LCLAT1: variants seen among roughly 807,000 people sequenced by gnomAD.
LCLAT1 encodes 1-AGP acyltransferase 8.
In LCLAT1, 11 loss-of-function variants were observed where a neutral mutation model predicts 30.7. The observed-to-expected ratio is 0.36, with a 90% CI of 0.23 to 0.59. The LOEUF (loss-of-function observed/expected upper bound fraction) is 0.59, where lower values mean the gene tolerates loss of function less well. Ranked by LOEUF, LCLAT1 falls within the 20% of genes least tolerant of loss-of-function variation. LCLAT1 has a pLI of 0.77. For missense variants in LCLAT1, 402 were observed against 458.6 expected, an observed-to-expected ratio of 0.88 and a Z score of 1.13; for synonymous variants, 155 against 151.3, an observed-to-expected ratio of 1.02 and a Z score of -0.18.
intron 2 of LCLAT1, among the ~76,000 whole-genome samples, chr2:30,530,263 G>A (rs1307480931): frequency 6.6e-6 from 1 of 152,186 alleles, no homozygotes; most frequent in Non-Finnish European, 1.5e-5. Flanking sequence ...TGAGAATAGT[G>A]TCTTTTTTCC....
chr2:30,467,608 T>C (rs925764420), intron 1 of LCLAT1, among the ~76,000 whole-genome samples: 17 of 152,222 alleles, frequency 1.1e-4, no homozygotes, highest in Admixed American at 6.5e-5. Flanking sequence ...TGTTGTTTCT[T>C]GACTTTTTAA....
intron 5 of LCLAT1, among the ~76,000 whole-genome samples, chr2:30,590,349 T>A (rs541636487): frequency 2.4e-4 from 37 of 151,174 alleles, no homozygotes; most frequent in Non-Finnish European, 4.0e-4. Flanking sequence ...TTGGAAACAA[T>A]AGTTGATTAG....
chr2:30,583,966 T>C (rs1456132359), intron 5 of LCLAT1, among the ~76,000 whole-genome samples: 1 of 152,144 alleles, frequency 6.6e-6, no homozygotes, highest in Non-Finnish European at 1.5e-5. Flanking sequence ...TACTTAGGGA[T>C]ACGTGTGCCA....
intron 5 of LCLAT1, among the ~76,000 whole-genome samples, chr2:30,629,769 A>G (rs772007102): frequency 3.3e-5 from 5 of 152,124 alleles, no homozygotes; most frequent in African/African-American, 7.2e-5. Flanking sequence ...TTTAAACGTG[A>G]TTTTTGTGGA....
At chr2:30,454,701 G>A (rs748519715) in intron 1 of LCLAT1, among the ~76,000 whole-genome samples, 92 of 151,056 alleles carry the variant, frequency 6.1e-4, no homozygotes, top group Admixed American at 1.5e-3. Context: ...CTCCCTCTTC[G>A]ACCTCCCAAA....
chr2:30,595,750 A>T (rs982617271), intron 5 of LCLAT1, among the ~76,000 whole-genome samples: 5 of 152,110 alleles, frequency 3.3e-5, no homozygotes, highest in Admixed American at 2.0e-4. Flanking sequence ...CCTAAGTATT[A>T]AGCCCAGCAT....
chr2:30,467,299 A>G (rs1682496606), intron 1 of LCLAT1, among the ~76,000 whole-genome samples: 1 of 152,348 alleles, frequency 6.6e-6, no homozygotes, highest in South Asian at 2.1e-4. Context: ...ATAGTATTCC[A>G]TGGTGTATAT....
At chr2:30,596,571 A>C (rs1481989566) in intron 5 of LCLAT1, among the ~76,000 whole-genome samples, 1 of 150,910 alleles carries the variant, frequency 6.6e-6, no homozygotes, top group Non-Finnish European at 1.5e-5. Context: ...GATTGCAAAA[A>C]TTTTCTCCCT....
intron 1 of LCLAT1, among the ~76,000 whole-genome samples, chr2:30,479,699 G>C (rs772786541): frequency 2.6e-5 from 4 of 152,150 alleles, no homozygotes; most frequent in Non-Finnish European, 4.4e-5. Flanking sequence ...ACTCTGTCTC[G>C]ATCTGGATAC....
intron 3 of LCLAT1, among the ~76,000 whole-genome samples, chr2:30,535,423 G>A (rs992113940): frequency 2.0e-5 from 3 of 152,096 alleles, no homozygotes; most frequent in Non-Finnish European, 4.4e-5. Flanking sequence ...GTGTGCATAC[G>A]TGTGTTCACC....
At chr2:30,551,517 T>C (rs1019531261) in intron 3 of LCLAT1, among the ~76,000 whole-genome samples, 1 of 152,198 alleles carries the variant, frequency 6.6e-6, no homozygotes, top group African/African-American at 2.4e-5. Context: ...GCACTTACTA[T>C]GCTCTGTATG....
intron 1 of LCLAT1, among the ~76,000 whole-genome samples, chr2:30,451,652 G>A (rs1322112183): frequency 8.4e-6 from 1 of 118,632 alleles, no homozygotes; most frequent in Non-Finnish European, 1.9e-5. Context: ...ATCAGCAGTA[G>A]AATGGATGAG....
At chr2:30,484,629 C>G (rs1432057724) in intron 1 of LCLAT1, among the ~76,000 whole-genome samples, 1 of 152,084 alleles carries the variant, frequency 6.6e-6, no homozygotes. Context: ...GTTTCTGTTT[C>G]TTTGTCCAGA....
intron 3 of LCLAT1, among the ~76,000 whole-genome samples, chr2:30,537,521 T>TACACACACACAC (rs58394759): frequency 0.013 from 1,970 of 149,188 alleles, 30 homozygotes; most frequent in African/African-American, 0.032. Flanking sequence ...CAATTGTAAA[T>TACACACACACAC]ACACACACAC....
chr2:30,530,194 A>C (rs1424798725), intron 2 of LCLAT1, among the ~76,000 whole-genome samples: 1 of 152,198 alleles, frequency 6.6e-6, no homozygotes, highest in African/African-American at 2.4e-5. Flanking sequence ...ATTTTGTTAG[A>C]TTTATTACTG....
chr2:30,605,636 C>T (rs1667400702), intron 5 of LCLAT1, among the ~76,000 whole-genome samples: 1 of 152,062 alleles, frequency 6.6e-6, no homozygotes, highest in African/African-American at 2.4e-5. Flanking sequence ...ACATAATTCT[C>T]ACTAAGAGTG....
At chr2:30,615,706 A>C (rs1667963932) in intron 5 of LCLAT1, among the ~76,000 whole-genome samples, 1 of 152,214 alleles carries the variant, frequency 6.6e-6, no homozygotes, top group South Asian at 2.1e-4. Context: ...GTAAATGTGT[A>C]AAGTGAAAGG....
At chr2:30,539,497 T>C (rs1664016058) in intron 3 of LCLAT1, among the ~76,000 whole-genome samples, 2 of 152,124 alleles carry the variant, frequency 1.3e-5, no homozygotes, top group South Asian at 4.1e-4. Flanking sequence ...TGTTCTCTTT[T>C]AATGTTATAT....
chr2:30,517,362 T>G (rs1685231925), intron 1 of LCLAT1, among the ~76,000 whole-genome samples: 1 of 152,114 alleles, frequency 6.6e-6, no homozygotes, highest in Non-Finnish European at 1.5e-5. Flanking sequence ...CGTGGGTAGT[T>G]AGGTGGGACC....
Sources: allele counts gnomAD v4.1 joint callset (sites outside exome capture counted in the v4.1 genomes callset), GRCh38; gene constraint gnomAD v4.1.1; transcripts MANE v1.5; gene names NCBI Gene and HGNC (gene_info 2026-07-23, HGNC 2026-07-21).